ERC1: variants seen among roughly 807,000 people sequenced by gnomAD.
ERC1 encodes the protein ELKS/RAB6-interacting/CAST family member 1.
A neutral mutation model predicts 132.0 loss-of-function variants in ERC1; 56 were observed. The observed-to-expected ratio is 0.42, with a 90% CI of 0.34 to 0.53. The LOEUF (loss-of-function observed/expected upper bound fraction) is 0.53. ERC1 is among the 20% of genes least tolerant of loss of function. ERC1 has a pLI of 0.03. For synonymous variants in ERC1, 478 were observed against 476.1 expected, an observed-to-expected ratio of 1.00 and a Z score of -0.05; for missense variants, 1,202 against 1,349.9, an observed-to-expected ratio of 0.89 and a Z score of 1.72.
chr12:1,180,977 A>C (rs1368485344), intron 9 of ERC1, among the ~76,000 whole-genome samples: 1 of 151,768 alleles, frequency 6.6e-6, no homozygotes, highest in Non-Finnish European at 1.5e-5. Context: ...ATGCCCAAGT[A>C]ATTTTTTGTA....
rs931576987 is a variant in ERC1, at chr12:1,491,692, T to C, written c.*1462T>C. The C allele has an allele frequency of 4.3e-6, 1 of 230,716 alleles. No homozygotes were observed. The highest frequency in any genetic ancestry group is 2.2e-5 in the African/African-American group (1 of 45,190). 14.3% of individuals were successfully genotyped at this position (230,716 alleles called of 1,614,324 possible). On this transcript the variant is annotated 3_prime_UTR_variant, in exon 19 of 19. Coordinates refer to ENST00000360905, the MANE Select transcript of ERC1 (RefSeq NM_178040.4). ...CCTTAGAGGGGCTCTGAGTATCTAC[T>C]TGTGGGTGGCCATTTCCTGACATCT...
chr12:1,377,188 T>C (rs2088036192), intron 16 of ERC1, among the ~76,000 whole-genome samples: 1 of 152,226 alleles, frequency 6.6e-6, no homozygotes, highest in Non-Finnish European at 1.5e-5. Context: ...ATCAAGTGAA[T>C]AATATTTTGA....
At chr12:1,209,502 A>G (rs955227550) in intron 12 of ERC1, among the ~76,000 whole-genome samples, 1 of 151,174 alleles carries the variant, frequency 6.6e-6, no homozygotes, top group Non-Finnish European at 1.5e-5. Context: ...GGACTAGTTC[A>G]TTCATTTGTG....
At chr12:1,181,903 T>C in intron 9 of ERC1, 22 bp from the exon 10 acceptor site, 4 of 1,595,628 alleles carry the variant, frequency 2.5e-6, no homozygotes, top group Non-Finnish European at 3.4e-6. Context: ...TTTCTTCACA[T>C]GTTGATATAT....
chr12:1,180,292 CGTGTGCGCGCGCGCAT>C (rs1954290963), intron 8 of ERC1, among the ~76,000 whole-genome samples: 16 of 130,376 alleles, frequency 1.2e-4, no homozygotes, highest in African/African-American at 7.1e-4. Context: ...TGCGCGCACG[CGTGTGCGCGCGCGCAT>C]ACACATGTGT....
chr12:1,330,830 CTTAAT>C (rs1007585528), intron 15 of ERC1, among the ~76,000 whole-genome samples: 6 of 152,114 alleles, frequency 3.9e-5, no homozygotes, highest in Non-Finnish European at 8.8e-5. Flanking sequence ...TTACATGTCT[CTTAAT>C]TTATCTTCTC....
intron 9 of ERC1, 122 bp from the exon 10 acceptor site, chr12:1,181,802 GA>G: frequency 9.5e-7 from 1 of 1,051,602 alleles, no homozygotes; most frequent in East Asian, 2.7e-5. Flanking sequence ...AAAAAAAGTG[GA>G]TTCTTTAAAA....
intron 2 of ERC1, among the ~76,000 whole-genome samples, chr12:1,066,178 C>G (rs1939145677): frequency 1.3e-5 from 2 of 152,162 alleles, no homozygotes; most frequent in African/African-American, 2.4e-5. Flanking sequence ...TGAACTACAC[C>G]TCAATACATT....
At chr12:1,427,630 T>C (rs1445776659) in intron 17 of ERC1, among the ~76,000 whole-genome samples, 1 of 152,146 alleles carries the variant, frequency 6.6e-6, no homozygotes, top group African/African-American at 2.4e-5. Flanking sequence ...TGATAAAGAG[T>C]GTCTTTGCCC....
chr12:1,098,250 A>C (rs1944282792), intron 3 of ERC1, among the ~76,000 whole-genome samples: 1 of 152,232 alleles, frequency 6.6e-6, no homozygotes, highest in Admixed American at 6.5e-5. Flanking sequence ...ATTTTATGAT[A>C]GTTTATGACA....
chr12:1,341,069 CTTTTTTTTTTTTTTTTTTTTTTT>C (rs35902573), intron 15 of ERC1, among the ~76,000 whole-genome samples: 52 of 63,156 alleles, frequency 8.2e-4, no homozygotes, highest in East Asian at 2.9e-3. Context: ...TTTTCTTTTT[CTTTTTTTTTTTTTTTTTTTTTTT>C]TTTTTTTTTT....
Position 1,390,418 on chromosome 12 carries a change from AAAT to A in ERC1, c.2926-17725_2926-17723del, listed in dbSNP as rs563889703. Among the ~76,000 whole-genome samples, 106 of 152,344 alleles carry A rather than the reference AAAT, an allele frequency of 7.0e-4. 1 individual carries two copies. Among genetic ancestry groups the A allele is most frequent in the African/African-American group, 2.3e-3 (96 of 41,576 alleles). ...TGATTAATAAATCAATACATTTAAA[AAAT>A]AATAAAGTTTAATTTTTCAAATTGA... On this transcript the variant is annotated intron_variant, in intron 16 of 18. Transcript: ENST00000360905.
intron 15 of ERC1, among the ~76,000 whole-genome samples, chr12:1,335,791 G>C (rs1487774189): frequency 1.3e-5 from 2 of 152,078 alleles, no homozygotes; most frequent in Non-Finnish European, 2.9e-5. Flanking sequence ...AATAGTTTCA[G>C]GGGTAATGGT....
intron 16 of ERC1, among the ~76,000 whole-genome samples, chr12:1,394,146 A>T (rs1419279952): frequency 6.6e-6 from 1 of 151,902 alleles, no homozygotes; most frequent in Non-Finnish European, 1.5e-5. Context: ...CACACCTGTA[A>T]TCCCAGCACT....
intron 7 of ERC1, among the ~76,000 whole-genome samples, chr12:1,120,861 T>TG (rs1459574575): frequency 6.6e-6 from 1 of 152,152 alleles, no homozygotes; most frequent in African/African-American, 2.4e-5. Context: ...GACCTGCCCT[T>TG]GCTCTAGGAT....
intron 1 of ERC1, among the ~76,000 whole-genome samples, chr12:1,003,096 C>CAAAAAAAAAAAAAAAAAAAAAATAAA (rs59507923): frequency 1.2e-5 from 1 of 86,914 alleles, no homozygotes; most frequent in Non-Finnish European, 2.0e-5. Context: ...ATGAAAAATG[C>CAAAAAAAAAAAAAAAAAAAAAATAAA]AAAAAAAAAA....
At chr12:1,337,935 T>A (rs1287482684) in intron 15 of ERC1, among the ~76,000 whole-genome samples, 1 of 152,224 alleles carries the variant, frequency 6.6e-6, no homozygotes, top group Admixed American at 6.5e-5. Context: ...CCTTTGTAGG[T>A]GACCTTACCT....
intron 8 of ERC1, among the ~76,000 whole-genome samples, chr12:1,163,259 G>T (rs927918706): frequency 2.6e-5 from 4 of 152,030 alleles, no homozygotes; most frequent in Admixed American, 1.3e-4. Context: ...AGAAAGGGAG[G>T]TTATTTTTTT....
At chr12:1,119,262 T>TG (rs1352087294) in intron 7 of ERC1, among the ~76,000 whole-genome samples, 2 of 150,132 alleles carry the variant, frequency 1.3e-5, no homozygotes, top group African/African-American at 5.1e-5. Flanking sequence ...TGTTTTGTTT[T>TG]TTTTGTTTTT....
Sources: gnomAD v4.1 joint callset for allele counts (sites outside exome capture counted in the v4.1 genomes callset) on GRCh38, gnomAD v4.1.1 for gene constraint, MANE v1.5 for transcripts, NCBI Gene and HGNC (gene_info 2026-07-23, HGNC 2026-07-21) for gene names.